LRP1B: variants seen among roughly 807,000 people sequenced by gnomAD.
The protein encoded by LRP1B is low-density lipoprotein receptor-related protein 1B.
Under a neutral mutation model 556.6 loss-of-function variants are expected in LRP1B, and 217 were observed. The ratio of observed to expected loss-of-function variants is 0.39; its 90% CI spans 0.35 to 0.44. The LOEUF (loss-of-function observed/expected upper bound fraction) is 0.44, where lower values mean the gene tolerates loss of function less well. Among genes scored for constraint, LRP1B ranks in the 20% least tolerant of loss-of-function variants. The pLI, the probability that LRP1B is intolerant of heterozygous loss-of-function variation, is 1.00. For synonymous variants in LRP1B, 2,047 were observed against 1,865.8 expected, an observed-to-expected ratio of 1.10 and a Z score of -2.50; for missense variants, 5,053 against 5,620.8, an observed-to-expected ratio of 0.90 and a Z score of 3.23.
intron 6 of LRP1B, among the ~76,000 whole-genome samples, chr2:141,219,929 C>A (rs1682967504): frequency 6.6e-6 from 1 of 152,138 alleles, no homozygotes; most frequent in Non-Finnish European, 1.5e-5. Flanking sequence ...ACCCCATCAG[C>A]AGCTTCAAAA....
intron 2 of LRP1B, among the ~76,000 whole-genome samples, chr2:141,678,054 T>A (rs1332109218): frequency 1.3e-5 from 2 of 152,148 alleles, no homozygotes; most frequent in African/African-American, 4.8e-5. Context: ...TTCAGACAAC[T>A]GAGGAATAAG....
At chr2:140,511,665 G>A (rs954056221) in intron 51 of LRP1B, among the ~76,000 whole-genome samples, 1 of 136,178 alleles carries the variant, frequency 7.3e-6, no homozygotes, top group Non-Finnish European at 1.6e-5. Flanking sequence ...CTGGAGGAAA[G>A]GATGAAGAGT....
intron 2 of LRP1B, among the ~76,000 whole-genome samples, chr2:141,554,873 C>T (rs1685904810): frequency 6.6e-6 from 1 of 151,952 alleles, no homozygotes. Context: ...TTGAGTCCCT[C>T]CCAAATTACT....
chr2:141,538,869 C>A (rs571828530), intron 2 of LRP1B, among the ~76,000 whole-genome samples: 1 of 148,168 alleles, frequency 6.7e-6, no homozygotes, highest in Non-Finnish European at 1.5e-5. Flanking sequence ...GAACTCATAA[C>A]CTCAGGTGAT....
chr2:140,776,917 A>G (rs1229917277), intron 32 of LRP1B, among the ~76,000 whole-genome samples: 2 of 152,172 alleles, frequency 1.3e-5, no homozygotes, highest in African/African-American at 4.8e-5. Context: ...CAAATTGTGA[A>G]AGCAAAACTG....
At chr2:141,630,123 A>G (rs927598555) in intron 2 of LRP1B, among the ~76,000 whole-genome samples, 1 of 152,166 alleles carries the variant, frequency 6.6e-6, no homozygotes, top group Non-Finnish European at 1.5e-5. Flanking sequence ...CACTGTGGAA[A>G]ATGTTTTATT....
intron 83 of LRP1B, among the ~76,000 whole-genome samples, chr2:140,306,327 C>T (rs1684065848): frequency 6.6e-6 from 1 of 152,000 alleles, no homozygotes; most frequent in South Asian, 2.1e-4. Context: ...GCCTCAATTT[C>T]AGAGCCTGTT....
rs189436303 is a variant in LRP1B, at chr2:141,598,029, G to A, written c.206-117496C>T. Among the ~76,000 whole-genome samples the A allele has an allele frequency of 9.9e-5, 15 of 152,092 alleles. No homozygotes were observed. The East Asian group carries it at 2.9e-3, about 29-fold the overall frequency. ...ACTAAGAGACAGTGTAACACACACA[G>A]AGCCGTGTATACAGAAGCTCACGGG... On this transcript the variant is annotated intron_variant, in intron 2 of 90. Coordinates refer to ENST00000389484, the MANE Select transcript of LRP1B (RefSeq NM_018557.3).
rs1444641986 is a variant in LRP1B at position 140,730,128 on chromosome 2, C to T, written c.5759-13312G>A. On this transcript the variant is annotated intron_variant, in intron 35 of 90. Transcript: ENST00000389484. The stretch of plus-strand genomic sequence containing the variant: ...TTTATTTATTTATATTTCAAATCTA[C>T]ATATACCACTACAGTTTCATTCAGG... 3.9e-5 allele frequency among the ~76,000 whole-genome samples: 6 copies of T among 152,304 alleles called. No individual in the cohort carries two copies. The South Asian group carries it at 1.0e-3, about 26-fold the overall frequency.
At chr2:140,415,497 G>A (rs1479675249) in intron 66 of LRP1B, among the ~76,000 whole-genome samples, 1 of 152,132 alleles carries the variant, frequency 6.6e-6, no homozygotes, top group East Asian at 1.9e-4. Context: ...GTCACCTCTG[G>A]CAGCCCAGCT....
chr2:140,554,586 T>C (rs1680659521), intron 43 of LRP1B, among the ~76,000 whole-genome samples: 1 of 152,018 alleles, frequency 6.6e-6, no homozygotes, highest in South Asian at 2.1e-4. Flanking sequence ...CCTCTCCATA[T>C]CCGGAACAGT....
At chr2:140,831,820 G>T (rs865838379) in intron 31 of LRP1B, among the ~76,000 whole-genome samples, 1 of 151,994 alleles carries the variant, frequency 6.6e-6, no homozygotes, top group Middle Eastern at 3.2e-3. Flanking sequence ...CAATTCAATA[G>T]CAAAATAACT....
chr2:140,760,687 C>T (rs1305036078), intron 35 of LRP1B, among the ~76,000 whole-genome samples: 1 of 152,100 alleles, frequency 6.6e-6, no homozygotes, highest in Non-Finnish European at 1.5e-5. Context: ...GAGTTCAAGA[C>T]CAGCCTTGCA....
At chr2:141,756,213 G>A (rs61675038) in intron 2 of LRP1B, among the ~76,000 whole-genome samples, 5,403 of 152,038 alleles carry the variant, frequency 0.036, 312 homozygotes, top group African/African-American at 0.12. Context: ...TAATCAGTAT[G>A]TTGATATTTG....
At chr2:140,979,346 TA>T (rs1356847039) in intron 18 of LRP1B, among the ~76,000 whole-genome samples, 2 of 152,128 alleles carry the variant, frequency 1.3e-5, no homozygotes, top group Non-Finnish European at 2.9e-5. Flanking sequence ...CATTATTTTT[TA>T]AAAAAATAAT....
intron 66 of LRP1B, among the ~76,000 whole-genome samples, chr2:140,428,860 C>G (rs1443299133): frequency 1.3e-5 from 2 of 152,218 alleles, no homozygotes; most frequent in African/African-American, 2.4e-5. Context: ...TTTAAGCACT[C>G]TTTTTTAGTT....
At chr2:140,991,674 G>A (rs986495403) in intron 16 of LRP1B, among the ~76,000 whole-genome samples, 2 of 152,086 alleles carry the variant, frequency 1.3e-5, no homozygotes, top group Non-Finnish European at 2.9e-5. Flanking sequence ...GGCAACTACT[G>A]TAATAAAGAA....
At chr2:140,684,688 T>G (rs1313824758) in intron 41 of LRP1B, among the ~76,000 whole-genome samples, 1 of 152,260 alleles carries the variant, frequency 6.6e-6, no homozygotes, top group Non-Finnish European at 1.5e-5. Flanking sequence ...CATTAAAATG[T>G]GCTTTATTAC....
At chr2:140,589,111 T>C (rs1044128095) in intron 43 of LRP1B, among the ~76,000 whole-genome samples, 11 of 151,992 alleles carry the variant, frequency 7.2e-5, no homozygotes, top group Non-Finnish European at 1.2e-4. Context: ...AAAAATAGAA[T>C]AAAATCTTTG....
Sources: gnomAD v4.1 joint callset for allele counts (sites outside exome capture counted in the v4.1 genomes callset) on GRCh38, gnomAD v4.1.1 for gene constraint, MANE v1.5 for transcripts, NCBI Gene and HGNC (gene_info 2026-07-23, HGNC 2026-07-21) for gene names.